SMAP2: variants seen among roughly 807,000 people sequenced by gnomAD.
The protein encoded by SMAP2 is small ArfGAP2.
A neutral mutation model predicts 56.4 loss-of-function variants in SMAP2; 25 were observed. That is an observed-to-expected ratio of 0.44 (90% CI 0.32 to 0.62). The LOEUF (loss-of-function observed/expected upper bound fraction) is 0.62. Among genes scored for constraint, SMAP2 ranks in the 20% least tolerant of loss-of-function variants. The pLI, the probability that SMAP2 is intolerant of heterozygous loss-of-function variation, is 0.04. For synonymous variants in SMAP2, 157 were observed against 181.7 expected, an observed-to-expected ratio of 0.86 and a Z score of 1.09; for missense variants, 388 against 545.6, an observed-to-expected ratio of 0.71 and a Z score of 2.88.
intron 8 of SMAP2, 127 bp downstream of exon 8, chr1:40,416,468 A>G: frequency 9.8e-7 from 1 of 1,018,130 alleles, no homozygotes; most frequent in Non-Finnish European, 1.4e-6. Flanking sequence ...ACAAACCTGA[A>G]CATGACCAAC....
intron 1 of SMAP2, among the ~76,000 whole-genome samples, chr1:40,397,819 G>A (rs1005764908): frequency 1.1e-4 from 16 of 152,144 alleles, no homozygotes; most frequent in Non-Finnish European, 2.2e-4. Flanking sequence ...CCATTGGAGG[G>A]CATCACAGAT....
intron 1 of SMAP2, among the ~76,000 whole-genome samples, chr1:40,388,693 T>A (rs894880871): frequency 1.8e-4 from 27 of 152,166 alleles, no homozygotes; most frequent in African/African-American, 6.5e-4. Context: ...TGTGATTGGA[T>A]GGGGCCAGAT....
chr1:40,401,202 G>T (rs1338248989), intron 1 of SMAP2, among the ~76,000 whole-genome samples: 2 of 152,202 alleles, frequency 1.3e-5, no homozygotes, highest in African/African-American at 2.4e-5. Context: ...GGCGGAACTT[G>T]CAGTGAGCCG....
At position 40,374,599 on chromosome 1, in the gene SMAP2, G is replaced by GCGTGTT. The variant is rs199535458; in HGVS notation, c.103+376_103+377insCGTGTT. ...GCATTGCGTGCGTGCGTGCGTGCGT[G>GCGTGTT]TGTGTGTGTGTGTGTGTGTGTGTGT... On this transcript the variant is annotated intron_variant, in intron 1 of 9. Transcript: ENST00000372718. This position sits in a 1 kb window ranked among gnomAD's most constrained non-coding sequence, Gnocchi z 5.9. 7,183 of 804,688 alleles carry GCGTGTT rather than the reference G, an allele frequency of 8.9e-3. 252 individuals are homozygous for GCGTGTT. The African/African-American group carries it at 0.16, about 18-fold the overall frequency. 49.8% of individuals were successfully genotyped at this position (804,688 alleles called of 1,614,324 possible). A position where few individuals can be genotyped will look rare whatever the true frequency, so the allele number is the denominator to read the frequency against.
At chr1:40,354,010 A>G (rs1033476022) in intron 1 of SMAP2, among the ~76,000 whole-genome samples, 1 of 152,162 alleles carries the variant, frequency 6.6e-6, no homozygotes, top group African/African-American at 2.4e-5. Context: ...GCAAAGCAGA[A>G]TGATAAAGCC....
intron 2 of SMAP2, among the ~76,000 whole-genome samples, chr1:40,365,438 C>A (rs929642285): frequency 2.0e-5 from 3 of 152,160 alleles, no homozygotes; most frequent in Non-Finnish European, 2.9e-5. Context: ...CAATTCATTC[C>A]AATTTTCTGA....
At chr1:40,367,729 T>C (rs1200210140) in intron 2 of SMAP2, among the ~76,000 whole-genome samples, 1 of 147,196 alleles carries the variant, frequency 6.8e-6, no homozygotes, top group Admixed American at 6.9e-5. Flanking sequence ...TTTTTAGCAC[T>C]AAATGCCCAC....
chr1:40,422,247 C>A lies in SMAP2; in HGVS notation c.*146C>A. 9.1e-7 allele frequency: 1 copy of A among 1,099,516 alleles called. No homozygotes were observed. The highest frequency in any genetic ancestry group is 1.3e-6 in the Non-Finnish European group (1 of 777,796). 68.1% of individuals were successfully genotyped at this position (1,099,516 alleles called of 1,614,324 possible). A position where few individuals can be genotyped will look rare whatever the true frequency, so the allele number is the denominator to read the frequency against. ...AAGTCATTTGGGGTTTGGCATCCTG[C>A]CCAGCCACTTCCCAAACATGAAGAC... On this transcript the variant is annotated 3_prime_UTR_variant, in exon 10 of 10. Transcript: ENST00000372718.
At chr1:40,411,812 T>A (rs777165780) in intron 4 of SMAP2, among the ~76,000 whole-genome samples, 1 of 152,220 alleles carries the variant, frequency 6.6e-6, no homozygotes, top group Non-Finnish European at 1.5e-5. Flanking sequence ...GCTGCATGTA[T>A]TGATTATAAA....
At chr1:40,388,729 G>T (rs902159019) in intron 1 of SMAP2, among the ~76,000 whole-genome samples, 2 of 152,170 alleles carry the variant, frequency 1.3e-5, no homozygotes, top group African/African-American at 4.8e-5. Flanking sequence ...GGCTGCCCGA[G>T]CCAGCAGTGG....
intron 1 of SMAP2, among the ~76,000 whole-genome samples, chr1:40,384,004 C>T (rs1644628588): frequency 6.6e-6 from 1 of 152,092 alleles, no homozygotes; most frequent in African/African-American, 2.4e-5. Flanking sequence ...TCAAGTGATT[C>T]TCATGCCTCA....
At chr1:40,415,483 T>A (rs1644978216) in intron 7 of SMAP2, 102 bp downstream of exon 7, 1 of 805,240 alleles carries the variant, frequency 1.2e-6, no homozygotes, top group Non-Finnish European at 2.1e-6. Context: ...GGAGTTGGAC[T>A]TTGGTTTTCT....
intron 1 of SMAP2, among the ~76,000 whole-genome samples, chr1:40,381,578 T>C (rs1275539196): frequency 6.6e-6 from 1 of 152,092 alleles, no homozygotes; most frequent in African/African-American, 2.4e-5. Flanking sequence ...TTCTTTAGTA[T>C]ATTTTGACTG....
intron 1 of SMAP2, among the ~76,000 whole-genome samples, chr1:40,392,180 A>G (rs1334825357): frequency 6.6e-6 from 1 of 152,178 alleles, no homozygotes; most frequent in African/African-American, 2.4e-5. Flanking sequence ...TTTAGGTTTA[A>G]TAACTTTGAA....
intron 1 of SMAP2, among the ~76,000 whole-genome samples, chr1:40,398,735 C>T (rs1049272101): frequency 1.3e-5 from 2 of 151,976 alleles, no homozygotes; most frequent in Non-Finnish European, 2.9e-5. Flanking sequence ...AACTCCTGGG[C>T]TCAAGTGATC....
intron 2 of SMAP2, among the ~76,000 whole-genome samples, chr1:40,407,547 T>G (rs546012558): frequency 1.3e-5 from 2 of 152,154 alleles, no homozygotes; most frequent in East Asian, 3.8e-4. Context: ...CATAGACTTA[T>G]GGGAAAATTT....
At chr1:40,401,459 A>G (rs1644833855) in intron 1 of SMAP2, among the ~76,000 whole-genome samples, 1 of 152,214 alleles carries the variant, frequency 6.6e-6, no homozygotes, top group Admixed American at 6.5e-5. Flanking sequence ...AGGTCTAAAT[A>G]TAGGTAGCCA....
At chr1:40,361,575 T>C (rs931589257) in intron 1 of SMAP2, among the ~76,000 whole-genome samples, 6 of 151,596 alleles carry the variant, frequency 4.0e-5, no homozygotes, top group Non-Finnish European at 4.4e-5. Context: ...TTCTGGACCT[T>C]CCCTGGGCCA....
chr1:40,402,063 T>G (rs1644839827), intron 1 of SMAP2, among the ~76,000 whole-genome samples: 1 of 152,246 alleles, frequency 6.6e-6, no homozygotes, highest in Non-Finnish European at 1.5e-5. Flanking sequence ...ATCACTTGTC[T>G]ATCCTCTTTG....
Sources: gnomAD v4.1 joint callset for allele counts (sites outside exome capture counted in the v4.1 genomes callset) on GRCh38, gnomAD v4.1.1 for gene constraint, Gnocchi (gnomAD v3.1) non-coding constraint, MANE v1.5 for transcripts, NCBI Gene and HGNC (gene_info 2026-07-23, HGNC 2026-07-21) for gene names.